Variants in RPS7 observed in about 807,000 individuals in gnomAD.
The protein encoded by RPS7 is small ribosomal subunit protein eS7.
Under a neutral mutation model 22.1 loss-of-function variants are expected in RPS7, and 1 was observed. The ratio of observed to expected loss-of-function variants is 0.05; its 90% CI spans 0.02 to 0.21. The LOEUF (loss-of-function observed/expected upper bound fraction) is 0.21, where lower values mean the gene tolerates loss of function less well. RPS7 is among the 10% of genes least tolerant of loss of function. The pLI is 1.00. For synonymous variants in RPS7, 80 were observed against 92.0 expected (o/e 0.87, Z 0.74); for missense variants, 137 against 246.4 (o/e 0.56, Z 2.97).
At chr2:3,575,767 G>A (rs779855104) in intron 2 of RPS7, 50 bp from the exon 3 acceptor site, 3 of 1,598,240 alleles carry the variant, frequency 1.9e-6, no homozygotes, top group East Asian at 2.2e-5. Context: ...TTGGGCCCGG[G>A]GTGCTCGGAC....
intron 4 of RPS7, chr2:3,576,996 A>G: frequency 6.2e-6 from 2 of 321,446 alleles, no homozygotes; most frequent in South Asian, 5.4e-5. Flanking sequence ...CCATATTTAA[A>G]TTTCCACAAG....
At position 3,579,818 on chromosome 2, in the gene RPS7, A is replaced by G. The variant is rs184217229; in HGVS notation, c.357-292A>G. ...AGATGTATAAAAGTCCTCTAATCTC[A>G]CATTCCCTAGAGATGGTCACTCATT... On this transcript the variant is annotated intron_variant, in intron 5 of 6. Transcript: ENST00000645674. 1.5e-3 allele frequency: 773 copies of G among 514,438 alleles called. 5 individuals are homozygous for G. Among genetic ancestry groups the G allele is most frequent in the South Asian group, 5.7e-3 (255 of 45,114 alleles). The allele number at this position is 514,438 out of a possible 1,614,324, so 31.9% of individuals were successfully genotyped here. A position where few individuals can be genotyped will look rare whatever the true frequency, so the allele number is the denominator to read the frequency against.
At chr2:3,580,027 A>T (rs1661365647) in intron 5 of RPS7, 83 bp from the exon 6 acceptor site, 1 of 1,299,180 alleles carries the variant, frequency 7.7e-7, no homozygotes, top group Non-Finnish European at 1.1e-6. Context: ...TTGCATTTTC[A>T]TTTTGACTTA....
chr2:3,575,775 G>C (rs1661261563), intron 2 of RPS7, 42 bp from the exon 3 acceptor site: 5 of 1,602,798 alleles, frequency 3.1e-6, no homozygotes, highest in Non-Finnish European at 4.3e-6. Context: ...GGGGTGCTCG[G>C]ACGCGCGCTC....
rs761597333 is a variant in RPS7, at chr2:3,576,621, T to A, written c.282T>A (p.Phe94Leu). ...AGTTCAGTGGGAAGCATGTCGTCTT[T>A]ATCGCTCAGGTATCTGTTCTACTGT... ...EKKFSGKHVV[F>L]IAQRRILPKP... The change falls in exon 4 of 7, where the codon TTT (phenylalanine) becomes TTA (leucine). Residue 94 changes from phenylalanine (F) to leucine (L), a missense_variant. Around this residue, in one of 2 missense-constraint regions of RPS7, gnomAD observed 74 missense variants for 171.4 expected, o/e 0.43. Transcript: ENST00000645674. 5.6e-6 allele frequency: 9 copies of A among 1,614,098 alleles called. No individual in the cohort carries two copies. The highest frequency in any genetic ancestry group is 1.7e-5 in the Admixed American group (1 of 60,000).
chr2:3,578,113 CTTTGATT>C (rs2147821076), intron 5 of RPS7: 1 of 214,564 alleles, frequency 4.7e-6, no homozygotes, highest in South Asian at 1.1e-4. Context: ...TTGGATTTAT[CTTTGATT>C]TTTATTTTTG....
intron 3 of RPS7, 116 bp from the exon 4 acceptor site, chr2:3,576,371 T>C (rs1382369386): frequency 1.1e-6 from 1 of 872,742 alleles, no homozygotes. Context: ...TCAAAACTAG[T>C]ATTAGTTTGT....
At position 3,575,376 on chromosome 2, in the gene RPS7, A is replaced by G. The variant is rs369987973; in HGVS notation, c.-19+26A>G. On this transcript the variant is annotated intron_variant, in intron 1 of 6. Transcript: ENST00000645674. ...GTAGGTTGGCGGCCTGCTCTCCGAC[A>G]GAACTTTTCTTCTTGGGTTGAGGAA... 458 of 561,360 alleles carry G rather than the reference A, an allele frequency of 8.2e-4. 2 individuals are homozygous for G. Among genetic ancestry groups the G allele is most frequent in the Admixed American group, 1.3e-3 (39 of 29,218 alleles). 34.8% of individuals were successfully genotyped at this position (561,360 alleles called of 1,614,324 possible).
chr2:3,580,399 C>G, intron 6 of RPS7, 139 bp downstream of exon 6: 1 of 773,828 alleles, frequency 1.3e-6, no homozygotes, highest in South Asian at 1.4e-5. Flanking sequence ...TCAGCCTGCT[C>G]TCCTTTGGAT....
In RPS7 at chr2:3,580,138, A is replaced by G; in HGVS notation, c.385A>G (p.Ile129Val). 6.2e-7 allele frequency: 1 copy of G among 1,613,758 alleles called. No homozygotes were observed. The highest frequency in any genetic ancestry group is 8.5e-7 in the Non-Finnish European group (1 of 1,179,810). ...SRTLTAVHDA[I>V]LEDLVFPSEI... The stretch of plus-strand genomic sequence containing the variant: ...TACTCTGACAGCTGTGCACGATGCC[A>G]TCCTTGAGGACTTGGTCTTCCCAAG... The change falls in exon 6 of 7, where the codon ATC (isoleucine) becomes GTC (valine). Residue 129 changes from isoleucine (I) to valine (V), a missense_variant. Transcript: ENST00000645674.
chr2:3,575,794 T>C (rs1312354494), intron 2 of RPS7, 23 bp from the exon 3 acceptor site: 25 of 1,609,856 alleles, frequency 1.6e-5, no homozygotes, highest in Non-Finnish European at 2.1e-5. Flanking sequence ...TCAGGGTCGG[T>C]CCTGCTGTTC....
intron 3 of RPS7, chr2:3,576,207 T>C: frequency 1.7e-6 from 1 of 590,308 alleles, no homozygotes; most frequent in South Asian, 2.0e-5. Flanking sequence ...CAGGATGAGA[T>C]TCTCTCTACC....
At chr2:3,579,512 T>C (rs1042346204) in intron 5 of RPS7, 3 of 164,856 alleles carry the variant, frequency 1.8e-5, no homozygotes, top group Non-Finnish European at 4.0e-5. Context: ...CTTGACTTAC[T>C]CCTGATGTCT....
rs376129318 is a variant in RPS7, at chr2:3,575,437, C to A, written c.-19+87C>A. The A allele has an allele frequency of 1.5e-4, 97 of 628,932 alleles. 2 individuals are homozygous for A. The highest frequency in any genetic ancestry group is 1.4e-3 in the African/African-American group (76 of 53,626). 39.0% of individuals were successfully genotyped at this position (628,932 alleles called of 1,614,324 possible). A position where few individuals can be genotyped will look rare whatever the true frequency, so the allele number is the denominator to read the frequency against. Reference sequence around the variant, plus strand: ...GGAGTCAGGCCCTGGAGGGGCGAGCCTTGCTCACAGGGTGGGGATACAGCC... The same window carrying A: ...GGAGTCAGGCCCTGGAGGGGCGAGCATTGCTCACAGGGTGGGGATACAGCC... On this transcript the variant is annotated intron_variant, in intron 1 of 6. Transcript: ENST00000645674.
At chr2:3,576,313 G>T in intron 3 of RPS7, 174 bp from the exon 4 acceptor site, 2 of 701,692 alleles carry the variant, frequency 2.9e-6, no homozygotes, top group Non-Finnish European at 2.6e-6. Context: ...GAAATGTGAA[G>T]GTTGGAGAGA....
At chr2:3,576,691 T>C (rs1453297367) in intron 4 of RPS7, 61 bp downstream of exon 4, 1 of 1,533,788 alleles carries the variant, frequency 6.5e-7, no homozygotes, top group Non-Finnish European at 9.0e-7. Context: ...TTGCTTGTAT[T>C]TAGACTGCAT....
At chr2:3,576,306 A>G in intron 3 of RPS7, 181 bp from the exon 4 acceptor site, 1 of 686,344 alleles carries the variant, frequency 1.5e-6, no homozygotes. Context: ...GAATAAGGAA[A>G]TGTGAAGGTT....
intron 6 of RPS7, 140 bp from the exon 7 acceptor site, chr2:3,580,665 G>A (rs187061405): frequency 2.9e-6 from 2 of 692,516 alleles, no homozygotes; most frequent in East Asian, 5.4e-5. Context: ...GTCCCCGGTC[G>A]TGAAGACTGC....
intron 5 of RPS7, chr2:3,578,296 TC>T (rs1346505811): frequency 1.3e-5 from 2 of 155,692 alleles, no homozygotes; most frequent in African/African-American, 4.8e-5. Context: ...TTGAACTAGA[TC>T]TTTTGGTATT....
Sources: gnomAD v4.1 joint callset for allele counts on GRCh38, gnomAD v4.1.1 for gene constraint, gnomAD v4.1.1 regional missense constraint, MANE v1.5 for transcripts, NCBI Gene and HGNC (gene_info 2026-07-23, HGNC 2026-07-21) for gene names.